The following CNTNAP2 variants were observed in gnomAD, a reference collection of about 807,000 sequenced individuals.
CNTNAP2 encodes the protein contactin-associated protein-like 2.
CNTNAP2 carries 98 observed loss-of-function variants against 155.2 expected under a neutral mutation model. The observed-to-expected ratio is 0.63, with a 90% CI of 0.54 to 0.75. The LOEUF (loss-of-function observed/expected upper bound fraction) is 0.75, where lower values mean the gene tolerates loss of function less well. CNTNAP2 is among the 30% of genes least tolerant of loss of function. CNTNAP2 has a pLI of 0.00. For synonymous variants in CNTNAP2, 651 were observed against 631.2 expected (o/e 1.03, Z -0.47); for missense variants, 1,727 against 1,688.1 (o/e 1.02, Z -0.40).
intron 13 of CNTNAP2, among the ~76,000 whole-genome samples, chr7:147,650,971 T>TTTTG (rs1795441809): frequency 6.6e-6 from 1 of 152,134 alleles, no homozygotes; most frequent in African/African-American, 2.4e-5. Flanking sequence ...GATATGTGTA[T>TTTTG]TTTGCATTAG....
At chr7:146,489,570 C>A (rs1236736888) in intron 1 of CNTNAP2, among the ~76,000 whole-genome samples, 1 of 152,286 alleles carries the variant, frequency 6.6e-6, no homozygotes, top group South Asian at 2.1e-4. Flanking sequence ...CACACACCCC[C>A]ACCTGCTACC....
chr7:146,898,932 C>T (rs1795936738), intron 3 of CNTNAP2, among the ~76,000 whole-genome samples: 1 of 151,960 alleles, frequency 6.6e-6, no homozygotes, highest in Non-Finnish European at 1.5e-5. Context: ...GCAAACGCCA[C>T]TGAAAGTGAT....
At chr7:146,495,601 A>C (rs1797203386) in intron 1 of CNTNAP2, among the ~76,000 whole-genome samples, 2 of 146,820 alleles carry the variant, frequency 1.4e-5, no homozygotes, top group Admixed American at 1.4e-4. Context: ...CAGTATAAGC[A>C]TTAAATTTAC....
chr7:148,164,855 C>G (rs1805621248), intron 17 of CNTNAP2, among the ~76,000 whole-genome samples: 1 of 151,494 alleles, frequency 6.6e-6, no homozygotes, highest in Admixed American at 6.6e-5. Context: ...ACCATGTTGG[C>G]CAGGCTGGTC....
Position 146,550,797 on chromosome 7 carries a change from A to G in CNTNAP2, c.98-223474A>G, listed in dbSNP as rs115066485. On this transcript the variant is annotated intron_variant, in intron 1 of 23. Coordinates refer to ENST00000361727, the MANE Select transcript of CNTNAP2 (RefSeq NM_014141.6). ...TATTCCATAAATAAGCTAATTAATA[A>G]GACAAGACACTTGGAACCATTCAGA... is the stretch of plus-strand genomic sequence containing the variant. Among the ~76,000 whole-genome samples, 1,300 of 152,204 alleles carry G rather than the reference A, an allele frequency of 8.5e-3. 13 individuals are homozygous for G. Among genetic ancestry groups the G allele is most frequent in the African/African-American group, 0.03 (1,236 of 41,522 alleles).
At chr7:146,167,333 C>T (rs1443391436) in intron 1 of CNTNAP2, among the ~76,000 whole-genome samples, 3 of 152,174 alleles carry the variant, frequency 2.0e-5, no homozygotes, top group Non-Finnish European at 4.4e-5. Flanking sequence ...GAAGAAGAGA[C>T]TCAAATCAAA....
At chr7:146,978,319 C>T (rs1351794532) in intron 3 of CNTNAP2, among the ~76,000 whole-genome samples, 1 of 152,110 alleles carries the variant, frequency 6.6e-6, no homozygotes, top group Non-Finnish European at 1.5e-5. Context: ...CCACTTGACC[C>T]GGTCTTCAAC....
At chr7:147,618,561 T>C (rs980753354) in intron 12 of CNTNAP2, among the ~76,000 whole-genome samples, 1 of 151,186 alleles carries the variant, frequency 6.6e-6, no homozygotes, top group African/African-American at 2.4e-5. Context: ...TCATATACTT[T>C]TATTAAAATG....
chr7:146,153,621 A>G (rs1263818152), intron 1 of CNTNAP2, among the ~76,000 whole-genome samples: 3 of 152,124 alleles, frequency 2.0e-5, no homozygotes, highest in Admixed American at 1.3e-4. Context: ...TCTATCTCAT[A>G]TGGAGGGCCT....
chr7:146,744,682 A>G (rs1027373387), intron 1 of CNTNAP2, among the ~76,000 whole-genome samples: 2 of 152,180 alleles, frequency 1.3e-5, no homozygotes, highest in Non-Finnish European at 2.9e-5. Flanking sequence ...CTTGCATGTC[A>G]CACCAATTAA....
chr7:148,060,416 A>G (rs1191662925), intron 15 of CNTNAP2, among the ~76,000 whole-genome samples: 1 of 152,176 alleles, frequency 6.6e-6, no homozygotes. Context: ...ATCAATTCTA[A>G]TAGAACAGAC....
chr7:148,135,280 T>C (rs963978519), intron 16 of CNTNAP2, among the ~76,000 whole-genome samples: 2 of 152,168 alleles, frequency 1.3e-5, no homozygotes. Context: ...CATGATTAGA[T>C]TACTATGTCA....
intron 1 of CNTNAP2, among the ~76,000 whole-genome samples, chr7:146,525,665 T>C (rs758219007): frequency 6.6e-6 from 1 of 152,132 alleles, no homozygotes; most frequent in Non-Finnish European, 1.5e-5. Flanking sequence ...AGATATGTGC[T>C]TCAGTGACAC....
intron 13 of CNTNAP2, among the ~76,000 whole-genome samples, chr7:147,751,075 ATAAAT>A (rs1295432668): frequency 6.6e-6 from 1 of 150,630 alleles, no homozygotes; most frequent in East Asian, 2.0e-4. Flanking sequence ...AATAAATAAA[ATAAAT>A]TAAAAAAAAT....
At chr7:147,269,930 C>A (rs893014150) in intron 8 of CNTNAP2, among the ~76,000 whole-genome samples, 1 of 152,010 alleles carries the variant, frequency 6.6e-6, no homozygotes, top group Non-Finnish European at 1.5e-5. Flanking sequence ...GGTTTCGTGG[C>A]GTGCTCCTAT....
chr7:147,895,254 G>T (rs7806850), intron 13 of CNTNAP2, among the ~76,000 whole-genome samples: 1 of 151,920 alleles, frequency 6.6e-6, no homozygotes, highest in Non-Finnish European at 1.5e-5. Context: ...GACTACAGGC[G>T]TGAGCCACCG....
At chr7:147,803,546 C>A (rs150862747) in intron 13 of CNTNAP2, among the ~76,000 whole-genome samples, 6 of 152,220 alleles carry the variant, frequency 3.9e-5, no homozygotes, top group Non-Finnish European at 7.4e-5. Context: ...GATTTGCTGA[C>A]CTTAGAGATA....
chr7:148,153,977 A>G (rs1455124601), intron 17 of CNTNAP2, among the ~76,000 whole-genome samples: 1 of 152,260 alleles, frequency 6.6e-6, no homozygotes, highest in Non-Finnish European at 1.5e-5. Flanking sequence ...GCCATTTCAG[A>G]CAGCTTCAGG....
At chr7:147,027,718 G>A (rs1798949650) in intron 3 of CNTNAP2, among the ~76,000 whole-genome samples, 1 of 152,136 alleles carries the variant, frequency 6.6e-6, no homozygotes, top group Non-Finnish European at 1.5e-5. Context: ...GGGAGAAGGA[G>A]GGTTTGGCCA....
Sources: allele counts gnomAD v4.1 joint callset (sites outside exome capture counted in the v4.1 genomes callset), GRCh38; gene constraint gnomAD v4.1.1; transcripts MANE v1.5; gene names NCBI Gene and HGNC (gene_info 2026-07-23, HGNC 2026-07-21).